DPP6: variants seen among roughly 807,000 people sequenced by gnomAD.
The protein encoded by DPP6 is dipeptidyl peptidase like 6.
Under a neutral mutation model 122.6 loss-of-function variants are expected in DPP6, and 69 were observed. The observed-to-expected ratio is 0.56, with a 90% CI of 0.46 to 0.69. The LOEUF (loss-of-function observed/expected upper bound fraction) is 0.69. Among genes scored for constraint, DPP6 ranks in the 30% least tolerant of loss-of-function variants. The pLI, the probability that DPP6 is intolerant of heterozygous loss-of-function variation, is 0.00. For synonymous variants in DPP6, 418 were observed against 433.1 expected, an observed-to-expected ratio of 0.97 and a Z score of 0.43; for missense variants, 928 against 1,116.9, an observed-to-expected ratio of 0.83 and a Z score of 2.41.
chr7:154,648,950 C>T (rs1480350007), intron 6 of DPP6, among the ~76,000 whole-genome samples: 1 of 151,690 alleles, frequency 6.6e-6, no homozygotes, highest in Admixed American at 6.6e-5. Flanking sequence ...TTTTTAAAGG[C>T]ATCGTTTAGT....
chr7:154,342,330 G>A (rs1585998249), intron 1 of DPP6, among the ~76,000 whole-genome samples: 1 of 152,308 alleles, frequency 6.6e-6, no homozygotes, highest in South Asian at 2.1e-4. Context: ...TGGGATTTGA[G>A]CCGGGGATAG....
At chr7:153,906,708 A>T (rs547382957) in intron 1 of DPP6, among the ~76,000 whole-genome samples, 1 of 152,322 alleles carries the variant, frequency 6.6e-6, no homozygotes, top group African/African-American at 2.4e-5. Context: ...CGCTTCAGGC[A>T]GCTAGGGTGT....
the DPP6 span, among the ~76,000 whole-genome samples, chr7:153,803,560 G>T: frequency 1.7e-4 from 26 of 151,816 alleles, no homozygotes; most frequent in Non-Finnish European, 2.4e-4. Flanking sequence ...GGACTCATAC[G>T]GAATTATATC....
At chr7:154,450,799 C>T (rs1439679679) in intron 2 of DPP6, among the ~76,000 whole-genome samples, 1 of 152,192 alleles carries the variant, frequency 6.6e-6, no homozygotes, top group Non-Finnish European at 1.5e-5. Context: ...CAGCTGGGGA[C>T]TTTAACCACT....
intron 3 of DPP6, among the ~76,000 whole-genome samples, chr7:154,535,059 T>G (rs1363445405): frequency 4.0e-5 from 6 of 151,426 alleles, no homozygotes; most frequent in East Asian, 3.9e-4. Context: ...AAAAGAAATC[T>G]ACACATACAT....
intron 1 of DPP6, among the ~76,000 whole-genome samples, chr7:154,193,563 G>A (rs1015827782): frequency 1.3e-5 from 2 of 152,128 alleles, no homozygotes; most frequent in Admixed American, 1.3e-4. Flanking sequence ...CAGGACCGCA[G>A]GGCCAGAGCA....
intron 8 of DPP6, among the ~76,000 whole-genome samples, chr7:154,762,384 A>T (rs1400532773): frequency 1.3e-5 from 2 of 152,260 alleles, no homozygotes; most frequent in Admixed American, 1.3e-4. Flanking sequence ...GAAGTAAATT[A>T]TACTGAGACA....
At chr7:153,763,713 G>A in the DPP6 span, among the ~76,000 whole-genome samples, 61 of 152,294 alleles carry the variant, frequency 4.0e-4, no homozygotes, top group Non-Finnish European at 7.9e-4. Context: ...TTGGAGTTGC[G>A]TAGTTTACGT....
At chr7:154,387,884 C>A (rs563552432) in intron 1 of DPP6, among the ~76,000 whole-genome samples, 1 of 152,296 alleles carries the variant, frequency 6.6e-6, no homozygotes, top group Admixed American at 6.5e-5. Flanking sequence ...TTTCTTGTTT[C>A]ACAATCTGAC....
At chr7:154,102,247 T>C (rs2150570995) in intron 1 of DPP6, among the ~76,000 whole-genome samples, 1 of 152,226 alleles carries the variant, frequency 6.6e-6, no homozygotes, top group African/African-American at 2.4e-5. Flanking sequence ...GTGCAATGAA[T>C]GGCACAGTCT....
At chr7:154,270,676 A>C (rs1803726377) in intron 1 of DPP6, among the ~76,000 whole-genome samples, 1 of 152,214 alleles carries the variant, frequency 6.6e-6, no homozygotes, top group African/African-American at 2.4e-5. Context: ...CAAAAGGACA[A>C]GTCAGGTAGT....
At chr7:154,281,499 C>G (rs1260101097) in intron 1 of DPP6, among the ~76,000 whole-genome samples, 1 of 152,126 alleles carries the variant, frequency 6.6e-6, no homozygotes, top group South Asian at 2.1e-4. Context: ...TTTATGAACA[C>G]AAACAGTATT....
chr7:154,558,112 C>A (rs566950473), intron 4 of DPP6, among the ~76,000 whole-genome samples: 4 of 151,896 alleles, frequency 2.6e-5, no homozygotes, highest in African/African-American at 9.7e-5. Context: ...CTCCACCCCC[C>A]CACAGGCCCC....
intron 3 of DPP6, among the ~76,000 whole-genome samples, chr7:154,518,084 C>T (rs1166293355): frequency 2.0e-5 from 3 of 152,164 alleles, no homozygotes; most frequent in Non-Finnish European, 4.4e-5. Flanking sequence ...CTCCTTCACT[C>T]GTAAAAACAA....
At chr7:154,745,377 T>C (rs886541344) in intron 8 of DPP6, among the ~76,000 whole-genome samples, 3 of 152,132 alleles carry the variant, frequency 2.0e-5, no homozygotes, top group African/African-American at 7.2e-5. Context: ...CCACAGTCAC[T>C]AGGAAGATTA....
At chr7:154,653,828 T>C (rs745782098) in intron 6 of DPP6, among the ~76,000 whole-genome samples, 2 of 152,180 alleles carry the variant, frequency 1.3e-5, no homozygotes, top group African/African-American at 4.8e-5. Context: ...GATCTTGATA[T>C]TAGGTTTACA....
At chr7:153,909,244 C>T (rs190048831) in intron 1 of DPP6, among the ~76,000 whole-genome samples, 1 of 152,210 alleles carries the variant, frequency 6.6e-6, no homozygotes. Context: ...GTGAAGCAAC[C>T]TCTAACAGCT....
intron 1 of DPP6, among the ~76,000 whole-genome samples, chr7:153,903,097 T>G (rs575645689): frequency 6.6e-6 from 1 of 152,202 alleles, no homozygotes; most frequent in South Asian, 2.1e-4. Flanking sequence ...TTAGCCAAAA[T>G]TGAGGATCAG....
intron 6 of DPP6, among the ~76,000 whole-genome samples, chr7:154,639,300 A>T (rs1563047345): frequency 1.3e-5 from 2 of 152,224 alleles, no homozygotes; most frequent in Non-Finnish European, 2.9e-5. Flanking sequence ...TTGCAAAAAT[A>T]AAGTATTCAT....
Sources: allele counts gnomAD v4.1 joint callset (sites outside exome capture counted in the v4.1 genomes callset), GRCh38; gene constraint gnomAD v4.1.1; transcripts MANE v1.5; gene names NCBI Gene and HGNC (gene_info 2026-07-23, HGNC 2026-07-21).